Variants in EXD1 observed in about 807,000 individuals in gnomAD.
EXD1 encodes piRNA biogenesis protein EXD1.
Under a neutral mutation model 49.1 loss-of-function variants are expected in EXD1, and 63 were observed. The observed-to-expected ratio is 1.28, with a 90% CI of 1.05 to 1.58. The LOEUF is 1.58. Among genes scored for constraint, EXD1 ranks in the 40% most tolerant of loss-of-function variants. The pLI is 0.00. For synonymous variants in EXD1, 234 were observed against 239.2 expected (o/e 0.98, Z 0.20); for missense variants, 748 against 666.0 (o/e 1.12, Z -1.36).
intron 7 of EXD1, among the ~76,000 whole-genome samples, chr15:41,199,734 T>TATTATATATCAC (rs1555414700): frequency 1.5e-5 from 1 of 65,238 alleles, no homozygotes; most frequent in African/African-American, 5.2e-5. Flanking sequence ...ATATATGATA[T>TATTATATATCAC]ATATGTCATA....
intron 11 of EXD1, among the ~76,000 whole-genome samples, chr15:41,187,386 G>A (rs866480296): frequency 6.6e-6 from 1 of 152,056 alleles, no homozygotes; most frequent in African/African-American, 2.4e-5. Context: ...CACTACACCC[G>A]GCTCATCCAT....
chr15:41,188,097 T>C (rs750025319), intron 11 of EXD1, among the ~76,000 whole-genome samples: 1 of 151,326 alleles, frequency 6.6e-6, no homozygotes, highest in Non-Finnish European at 1.5e-5. Flanking sequence ...TAACAGCAAC[T>C]GGCAAACTTT....
chr15:41,196,562 C>T (rs1022467823), intron 7 of EXD1, among the ~76,000 whole-genome samples: 6 of 151,828 alleles, frequency 4.0e-5, no homozygotes, highest in Admixed American at 2.0e-4. Flanking sequence ...ATGATCCACC[C>T]GCCTTGGCCT....
Position 41,200,049 on chromosome 15 carries a change from G to A in EXD1, c.535-4012C>T, listed in dbSNP as rs189131467. Among the ~76,000 whole-genome samples the A allele has an allele frequency of 2.5e-3, 384 of 151,440 alleles. 2 individuals carry two copies. Among genetic ancestry groups the A allele is most frequent in the Middle Eastern group, 3.4e-3 (1 of 294 alleles). ...CTCCCAAGTAGCTGGGACTACAGGC[G>A]TGCAACACTACACTTGGCTAATTTT... On this transcript the variant is annotated intron_variant, in intron 7 of 11. Coordinates refer to ENST00000458580, the MANE Select transcript of EXD1 (RefSeq NM_001286441.2).
chr15:41,191,642 A>C, intron 9 of EXD1, 57 bp from the exon 10 acceptor site: 325 of 1,476,076 alleles, frequency 2.2e-4, no homozygotes, highest in Non-Finnish European at 2.8e-4. Flanking sequence ...GAGCTATCTC[A>C]TGCCAGAAAT....
intron 9 of EXD1, among the ~76,000 whole-genome samples, chr15:41,194,924 T>C (rs1403029514): frequency 1.3e-5 from 2 of 152,198 alleles, no homozygotes; most frequent in Non-Finnish European, 2.9e-5. Flanking sequence ...AATTGAACTT[T>C]TAGAGATTGC....
At chr15:41,215,977 ACTT>A in intron 5 of EXD1, 144 bp from the exon 6 acceptor site, 1 of 681,930 alleles carries the variant, frequency 1.5e-6, no homozygotes, top group Non-Finnish European at 2.6e-6. Context: ...CCTACGTACT[ACTT>A]CTCTTCCTTT....
intron 3 of EXD1, 26 bp from the exon 4 acceptor site, chr15:41,217,180 A>T: frequency 6.2e-7 from 1 of 1,605,562 alleles, no homozygotes. Context: ...ATGGCTTCCA[A>T]CAGAGTTTCC....
At chr15:41,205,614 C>CA (rs1474144920) in intron 7 of EXD1, among the ~76,000 whole-genome samples, 4 of 149,678 alleles carry the variant, frequency 2.7e-5, no homozygotes, top group South Asian at 4.2e-4. Context: ...CCTGTCTCCA[C>CA]AAAAAATACA....
chr15:41,193,056 T>C (rs1429637819), intron 9 of EXD1, among the ~76,000 whole-genome samples: 1 of 152,014 alleles, frequency 6.6e-6, no homozygotes, highest in Non-Finnish European at 1.5e-5. Flanking sequence ...AGTGCTGGGA[T>C]TACAAGTGTG....
intron 1 of EXD1, among the ~76,000 whole-genome samples, chr15:41,229,810 T>G (rs2047211679): frequency 6.6e-6 from 1 of 152,032 alleles, no homozygotes; most frequent in Non-Finnish European, 1.5e-5. Context: ...CTCTAGTTCT[T>G]CAAACTAGAA....
At chr15:41,210,915 T>C (rs2046912050) in intron 6 of EXD1, among the ~76,000 whole-genome samples, 1 of 152,164 alleles carries the variant, frequency 6.6e-6, no homozygotes, top group Admixed American at 6.6e-5. Flanking sequence ...CAATTCTGAG[T>C]ATCTCTCATC....
At chr15:41,228,556 T>C (rs1024584736) in intron 1 of EXD1, among the ~76,000 whole-genome samples, 12 of 152,150 alleles carry the variant, frequency 7.9e-5, no homozygotes, top group Admixed American at 5.2e-4. Flanking sequence ...CCAAGTCTTA[T>C]GCATCCAAAC....
intron 1 of EXD1, among the ~76,000 whole-genome samples, chr15:41,229,505 A>C (rs942002486): frequency 6.6e-6 from 1 of 152,138 alleles, no homozygotes; most frequent in African/African-American, 2.4e-5. Flanking sequence ...GCGGTGGCTC[A>C]CGCCTGTAAT....
intron 2 of EXD1, among the ~76,000 whole-genome samples, chr15:41,224,884 C>T (rs538423755): frequency 1.1e-3 from 160 of 152,058 alleles, no homozygotes; most frequent in Non-Finnish European, 1.9e-3. Context: ...GATCACTTGA[C>T]CCTGGGAAGT....
At chr15:41,189,675 TAAATAAAATA>T (rs567756169) in intron 11 of EXD1, among the ~76,000 whole-genome samples, 3 of 150,952 alleles carry the variant, frequency 2.0e-5, no homozygotes, top group East Asian at 3.9e-4. Context: ...AAAAAATAAA[TAAATAAAATA>T]AAATAAAATA....
intron 9 of EXD1, among the ~76,000 whole-genome samples, chr15:41,192,594 ATTTTTTTTTTTTTTTTT>A (rs59054803): frequency 8.6e-4 from 35 of 40,874 alleles, no homozygotes; most frequent in Admixed American, 1.7e-3. Flanking sequence ...TGCGCCAGGC[ATTTTTTTTTTTTTTTTT>A]TTTTTTTTTT....
chr15:41,226,618 G>T lies in EXD1; in HGVS notation c.-43C>A, dbSNP rs1228957945. 6.6e-7 allele frequency: 1 copy of T among 1,507,604 alleles called. No homozygotes were observed. The highest frequency in any genetic ancestry group is 2.2e-5 in the Admixed American group (1 of 45,334). The allele number at this position is 1,507,604 out of a possible 1,614,324, so 93.4% of individuals were successfully genotyped here. ...GCCGTCTTCAAATAATCTTCTTTAAGCATCCAAACACTTGAAAATTAATAA... is the reference window on the plus strand; with the variant it reads ...GCCGTCTTCAAATAATCTTCTTTAATCATCCAAACACTTGAAAATTAATAA... On this transcript the variant is annotated 5_prime_UTR_variant, in exon 2 of 12. It introduces an in-frame stop codon into an upstream open reading frame of the 5' UTR. Coordinates refer to ENST00000458580, the MANE Select transcript of EXD1 (RefSeq NM_001286441.2).
chr15:41,224,322 A>C (rs1319673355), intron 2 of EXD1, among the ~76,000 whole-genome samples: 1 of 152,230 alleles, frequency 6.6e-6, no homozygotes, highest in Non-Finnish European at 1.5e-5. Flanking sequence ...GATATAAAAC[A>C]ATCAATACAT....
Sources: gnomAD v4.1 joint callset for allele counts (sites outside exome capture counted in the v4.1 genomes callset) on GRCh38, gnomAD v4.1.1 for gene constraint, MANE v1.5 for transcripts, NCBI Gene and HGNC (gene_info 2026-07-23, HGNC 2026-07-21) for gene names.